UBE2E2: variants seen among roughly 807,000 people sequenced by gnomAD.
UBE2E2 encodes the protein ubiquitin-conjugating enzyme E2 E2.
A neutral mutation model predicts 24.7 loss-of-function variants in UBE2E2; 6 were observed. The observed-to-expected ratio is 0.24, with a 90% confidence interval of 0.13 to 0.48. UBE2E2 has a LOEUF of 0.48. Ranked by LOEUF, UBE2E2 falls within the 20% of genes least tolerant of loss-of-function variation. The pLI, the probability that UBE2E2 is intolerant of heterozygous loss-of-function variation, is 0.99. For missense variants in UBE2E2, 169 were observed against 245.0 expected (o/e 0.69, Z 2.07); for synonymous variants, 104 against 83.6 (o/e 1.24, Z -1.33).
chr3:23,268,766 C>T (rs1165392801), intron 3 of UBE2E2, among the ~76,000 whole-genome samples: 4 of 148,674 alleles, frequency 2.7e-5, no homozygotes, highest in East Asian at 4.0e-4. Flanking sequence ...GCCAAAAGAA[C>T]GAAGCTGGAG....
intron 3 of UBE2E2, among the ~76,000 whole-genome samples, chr3:23,483,873 C>T (rs896234095): frequency 7.9e-5 from 12 of 152,094 alleles, no homozygotes; most frequent in Non-Finnish European, 1.2e-4. Flanking sequence ...CAGTGGACTC[C>T]TTTTATTCAA....
intron 3 of UBE2E2, among the ~76,000 whole-genome samples, chr3:23,343,400 G>A (rs1397661891): frequency 6.6e-6 from 1 of 151,826 alleles, no homozygotes; most frequent in African/African-American, 2.4e-5. Flanking sequence ...ACATGATGAA[G>A]CCACATCTCT....
At chr3:23,292,072 A>G (rs964649582) in intron 3 of UBE2E2, among the ~76,000 whole-genome samples, 7 of 151,856 alleles carry the variant, frequency 4.6e-5, no homozygotes, top group East Asian at 1.9e-4. Flanking sequence ...GTTAACCAGG[A>G]TGGTCTTGAT....
chr3:23,244,433 T>A (rs547553442), intron 3 of UBE2E2, among the ~76,000 whole-genome samples: 1 of 152,190 alleles, frequency 6.6e-6, no homozygotes, highest in South Asian at 2.1e-4. Context: ...TCTGTATTTG[T>A]GTGCTTTAGC....
At chr3:23,567,190 G>A (rs916631976) in intron 5 of UBE2E2, among the ~76,000 whole-genome samples, 7 of 152,176 alleles carry the variant, frequency 4.6e-5, no homozygotes, top group Non-Finnish European at 7.3e-5. Context: ...TATGCTTCCC[G>A]TGATGTGTTA....
chr3:23,262,527 G>A (rs999250489), intron 3 of UBE2E2, among the ~76,000 whole-genome samples: 5 of 151,920 alleles, frequency 3.3e-5, no homozygotes, highest in African/African-American at 4.8e-5. Context: ...GCAGTCCTCC[G>A]CCTTGGTGTC....
chr3:23,426,448 A>AT (rs1343802515), intron 3 of UBE2E2, among the ~76,000 whole-genome samples: 1 of 151,748 alleles, frequency 6.6e-6, no homozygotes, highest in Non-Finnish European at 1.5e-5. Flanking sequence ...ACACATAGTC[A>AT]TATCATATTC....
At chr3:23,399,948 T>A (rs1015382328) in intron 3 of UBE2E2, among the ~76,000 whole-genome samples, 2 of 152,182 alleles carry the variant, frequency 1.3e-5, no homozygotes, top group African/African-American at 4.8e-5. Flanking sequence ...TTGTGCTCCT[T>A]ACTACTACGC....
intron 3 of UBE2E2, among the ~76,000 whole-genome samples, chr3:23,320,777 C>T (rs1465818500): frequency 6.6e-6 from 1 of 152,160 alleles, no homozygotes; most frequent in Non-Finnish European, 1.5e-5. Context: ...GATTAATCCA[C>T]CCCGGCATCC....
At chr3:23,332,463 G>A (rs1695082316) in intron 3 of UBE2E2, among the ~76,000 whole-genome samples, 1 of 152,092 alleles carries the variant, frequency 6.6e-6, no homozygotes, top group Non-Finnish European at 1.5e-5. Flanking sequence ...TGCATACATG[G>A]CAATTATTAA....
intron 3 of UBE2E2, among the ~76,000 whole-genome samples, chr3:23,460,604 G>A (rs1203240386): frequency 6.6e-6 from 1 of 152,144 alleles, no homozygotes; most frequent in Non-Finnish European, 1.5e-5. Context: ...GGAAAGTTAT[G>A]CATTCAATTA....
At chr3:23,222,357 A>G (rs1391446379) in intron 3 of UBE2E2, among the ~76,000 whole-genome samples, 1 of 152,062 alleles carries the variant, frequency 6.6e-6, no homozygotes, top group African/African-American at 2.4e-5. Flanking sequence ...TCTTTTTGAT[A>G]TATACTGATA....
chr3:23,462,674 C>T (rs936947766), intron 3 of UBE2E2, among the ~76,000 whole-genome samples: 4 of 152,088 alleles, frequency 2.6e-5, no homozygotes, highest in African/African-American at 4.8e-5. Context: ...ACCAATTCTA[C>T]GTCAGATTTC....
chr3:23,241,298 G>A (rs1398300443), intron 3 of UBE2E2, among the ~76,000 whole-genome samples: 1 of 152,134 alleles, frequency 6.6e-6, no homozygotes, highest in African/African-American at 2.4e-5. Context: ...TCTTGCTTGA[G>A]TTATTGCCAC....
intron 3 of UBE2E2, among the ~76,000 whole-genome samples, chr3:23,486,197 G>A (rs900758342): frequency 2.0e-5 from 3 of 152,208 alleles, no homozygotes; most frequent in African/African-American, 7.2e-5. Flanking sequence ...GCACAGCCAG[G>A]TACACTGGCT....
chr3:23,285,622 T>C (rs748363916), intron 3 of UBE2E2, among the ~76,000 whole-genome samples: 9 of 152,212 alleles, frequency 5.9e-5, no homozygotes, highest in Non-Finnish European at 1.3e-4. Flanking sequence ...TTGCTGATAT[T>C]CAGTGATGTT....
At chr3:23,395,400 GT>G (rs1697051061) in intron 3 of UBE2E2, among the ~76,000 whole-genome samples, 1 of 152,110 alleles carries the variant, frequency 6.6e-6, no homozygotes, top group Non-Finnish European at 1.5e-5. Context: ...TTGTTCCAGG[GT>G]AGTTACATGT....
intron 3 of UBE2E2, among the ~76,000 whole-genome samples, chr3:23,326,752 CCATGTTG>C (rs1486960708): frequency 6.6e-6 from 1 of 152,178 alleles, no homozygotes; most frequent in Non-Finnish European, 1.5e-5. Context: ...TGTACATGTC[CCATGTTG>C]GTGCGCTGCA....
In UBE2E2 at chr3:23,495,050, C is replaced by T. The variant is rs115285817; in HGVS notation, c.228-4558C>T. 3.6e-3 allele frequency among the ~76,000 whole-genome samples: 555 copies of T among 152,324 alleles called. 4 individuals carry two copies. Among genetic ancestry groups the T allele is most frequent in the African/African-American group, 0.013 (529 of 41,570 alleles). ...TCAGCCTCCCAAAGTGCTGTGATTA[C>T]AGGCTAGTTTTATGTGCATTTTAAA... On this transcript the variant is annotated intron_variant, in intron 3 of 5. Transcript: ENST00000396703.
Sources: allele counts gnomAD v4.1 joint callset (sites outside exome capture counted in the v4.1 genomes callset), GRCh38; gene constraint gnomAD v4.1.1; transcripts MANE v1.5; gene names NCBI Gene and HGNC (gene_info 2026-07-23, HGNC 2026-07-21).